Variants in LHX8 observed in about 807,000 individuals in gnomAD.
LHX8 encodes the protein LIM/homeobox protein Lhx8.
LHX8 carries 12 observed loss-of-function variants against 40.3 expected under a neutral mutation model. That is an observed-to-expected ratio of 0.30 (90% CI 0.19 to 0.48). The LOEUF is 0.48. Among genes scored for constraint, LHX8 ranks in the 20% least tolerant of loss-of-function variants. LHX8 has a pLI of 0.99. For synonymous variants in LHX8, 179 were observed against 162.0 expected (o/e 1.10, Z -0.80); for missense variants, 344 against 433.7 (o/e 0.79, Z 1.84).
intron 7 of LHX8, among the ~76,000 whole-genome samples, chr1:75,155,136 A>G (rs1648720170): frequency 6.6e-6 from 1 of 151,630 alleles, no homozygotes; most frequent in Non-Finnish European, 1.5e-5. Context: ...TCTCATGCTA[A>G]GTTTTTATCC....
intron 7 of LHX8, 42 bp from the exon 8 acceptor site, chr1:75,156,851 G>A (rs1648780718): frequency 6.3e-7 from 1 of 1,590,848 alleles, no homozygotes; most frequent in African/African-American, 1.3e-5. Flanking sequence ...TCAGAAGCTG[G>A]TGTGTAACCT....
chr1:75,129,463 TTAC>T (rs1647905965), upstream of LHX8, among the ~76,000 whole-genome samples: 1 of 152,156 alleles, frequency 6.6e-6, no homozygotes, highest in Non-Finnish European at 1.5e-5. Flanking sequence ...AAGCATAGCT[TTAC>T]GAGTTACACC....
the LHX8 span, among the ~76,000 whole-genome samples, chr1:75,184,099 C>A: frequency 6.6e-6 from 1 of 152,184 alleles, no homozygotes; most frequent in South Asian, 2.1e-4. Context: ...ATATATGTAC[C>A]CAAAACAGAA....
chr1:75,140,726 T>C (rs1270832860), intron 3 of LHX8, among the ~76,000 whole-genome samples: 2 of 152,124 alleles, frequency 1.3e-5, no homozygotes, highest in Non-Finnish European at 2.9e-5. Flanking sequence ...ACCTGAATTC[T>C]TCAAAGGAAT....
chr1:75,155,230 CTTT>C (rs57009636), intron 7 of LHX8, among the ~76,000 whole-genome samples: 9 of 94,360 alleles, frequency 9.5e-5, no homozygotes, highest in African/African-American at 3.3e-4. Flanking sequence ...GAAACACTCT[CTTT>C]TTTTTTTTTT....
chr1:75,174,909 C>A, the LHX8 span, among the ~76,000 whole-genome samples: 2 of 151,846 alleles, frequency 1.3e-5, no homozygotes, highest in Non-Finnish European at 2.9e-5. Flanking sequence ...TTGGTGCATC[C>A]ATCACTCGAG....
At chr1:75,175,139 T>A in the LHX8 span, among the ~76,000 whole-genome samples, 1 of 152,242 alleles carries the variant, frequency 6.6e-6, no homozygotes, top group Non-Finnish European at 1.5e-5. Flanking sequence ...AATGTCATTA[T>A]TTTATTCCTT....
the LHX8 span, among the ~76,000 whole-genome samples, chr1:75,183,992 A>T: frequency 6.6e-6 from 1 of 152,220 alleles, no homozygotes; most frequent in African/African-American, 2.4e-5. Flanking sequence ...TTTCAGACAA[A>T]ACAGATTTTA....
chr1:75,185,752 A>G, the LHX8 span, among the ~76,000 whole-genome samples: 2 of 152,148 alleles, frequency 1.3e-5, no homozygotes, highest in South Asian at 4.1e-4. Flanking sequence ...AGTAAGTCAA[A>G]TTTTTCCTGT....
chr1:75,147,086 T>TG (rs1648479483), intron 6 of LHX8, among the ~76,000 whole-genome samples: 1 of 152,154 alleles, frequency 6.6e-6, no homozygotes, highest in South Asian at 2.1e-4. Flanking sequence ...GTAACACATT[T>TG]GGAGTAGGAA....
chr1:75,173,368 T>G, the LHX8 span, among the ~76,000 whole-genome samples: 950 of 147,268 alleles, frequency 6.5e-3, 21 homozygotes, highest in African/African-American at 0.023. Context: ...CTTCAGGATA[T>G]ATACTCTTTT....
intron 3 of LHX8, among the ~76,000 whole-genome samples, chr1:75,138,443 T>TA (rs935043440): frequency 1.3e-5 from 2 of 152,174 alleles, no homozygotes; most frequent in African/African-American, 4.8e-5. Context: ...GAAGTTTTGG[T>TA]AAAAAGATTT....
chr1:75,134,943 T>A lies in LHX8; in HGVS notation c.-24T>A, dbSNP rs1241553336. 3 of 985,162 alleles carry A rather than the reference T, an allele frequency of 3.0e-6. No homozygotes were observed. The East Asian group carries it at 3.4e-4, about 112-fold the overall frequency. The allele number at this position is 985,162 out of a possible 1,614,324, so 61.0% of individuals were successfully genotyped here. Reference sequence around the variant, plus strand: ...AGATGAAGCCTCGAGCCTAAGGCGCTCTCAGGTCCATGTGAGTCGTGCTTT... The same window carrying A: ...AGATGAAGCCTCGAGCCTAAGGCGCACTCAGGTCCATGTGAGTCGTGCTTT... On this transcript the variant is annotated 5_prime_UTR_variant, in exon 1 of 9. Coordinates refer to ENST00000356261, the MANE Select transcript of LHX8 (RefSeq NM_001256114.2).
chr1:75,130,638 G>A, upstream of LHX8: 1 of 1,288,584 alleles, frequency 7.8e-7, no homozygotes, highest in Non-Finnish European at 1.1e-6. Flanking sequence ...ACTGTGGGTA[G>A]CAAGGTATAA....
chr1:75,177,076 G>A, the LHX8 span, among the ~76,000 whole-genome samples: 1 of 152,118 alleles, frequency 6.6e-6, no homozygotes, highest in Admixed American at 6.5e-5. Flanking sequence ...GATCACTATA[G>A]CCTTGTAGTA....
chr1:75,191,441 G>T, the LHX8 span, among the ~76,000 whole-genome samples: 131 of 152,270 alleles, frequency 8.6e-4, no homozygotes, highest in African/African-American at 3.1e-3. Flanking sequence ...GGGAAACACG[G>T]TTGGAGCATG....
the LHX8 span, among the ~76,000 whole-genome samples, chr1:75,198,782 C>A: frequency 1.3e-5 from 2 of 152,172 alleles, no homozygotes; most frequent in Admixed American, 1.3e-4. Context: ...TCCCAAATAC[C>A]TTATTAGAAA....
At chr1:75,131,985 C>G (rs771993434), upstream of LHX8, 1 of 152,164 alleles carries the variant, frequency 6.6e-6, no homozygotes, top group Non-Finnish European at 1.5e-5. Flanking sequence ...TTTTTTTGAT[C>G]AGAGTCTTCG....
chr1:75,180,507 C>T, the LHX8 span, among the ~76,000 whole-genome samples: 1 of 152,122 alleles, frequency 6.6e-6, no homozygotes, highest in African/African-American at 2.4e-5. Context: ...TTGCATGTGT[C>T]ACGTAGTTCT....
Sources: allele counts gnomAD v4.1 joint callset (sites outside exome capture counted in the v4.1 genomes callset), GRCh38; gene constraint gnomAD v4.1.1; transcripts MANE v1.5; gene names NCBI Gene and HGNC (gene_info 2026-07-23, HGNC 2026-07-21).